PES1: variants seen among roughly 807,000 people sequenced by gnomAD.
The protein encoded by PES1 is pescadillo ribosomal biogenesis factor 1.
PES1 carries 31 observed loss-of-function variants against 77.1 expected under a neutral mutation model. The observed-to-expected ratio is 0.40, with a 90% CI of 0.30 to 0.54. The LOEUF is 0.54. Ranked by LOEUF, PES1 falls within the 20% of genes least tolerant of loss-of-function variation. The probability of loss-of-function intolerance (pLI) is 0.45; values close to 1 mark genes in which losing one functional copy is unlikely to be tolerated. For missense variants in PES1, 658 were observed against 771.7 expected (o/e 0.85, Z 1.75); for synonymous variants, 282 against 303.0 (o/e 0.93, Z 0.72).
chr22:30,591,835 G>C lies in PES1; in HGVS notation c.-2C>G, dbSNP rs201348814. ...CTTCTTCTTCTCAAGGCCTCCCATC[G>C]CTCCACGTTGAGGAGCCGACTAGGG... On this transcript the variant is annotated 5_prime_UTR_variant, in exon 1 of 15. Transcript: ENST00000354694. 6.4e-7 allele frequency: 1 copy of C among 1,559,194 alleles called. No individual in the cohort carries two copies. Among genetic ancestry groups the C allele is most frequent in the South Asian group, 1.2e-5 (1 of 84,624 alleles).
At position 30,601,484 on chromosome 22, in the gene PES1, T is replaced by C. The variant is rs1019420452; in HGVS notation, c.-661+3977A>G. 4.8e-4 allele frequency among the ~76,000 whole-genome samples: 73 copies of C among 152,176 alleles called. 2 individuals are homozygous for C. The highest frequency in any genetic ancestry group is 4.6e-3 in the Admixed American group (71 of 15,272). ...TGAACCACCATGTTTGGCTCATTTTTGTATTTTTAATACAGACAGGGTTTC... is the reference window on the plus strand; with the variant it reads ...TGAACCACCATGTTTGGCTCATTTTCGTATTTTTAATACAGACAGGGTTTC... On this transcript the variant is annotated intron_variant, in intron 2 of 16. Coordinates refer to the PES1 transcript ENST00000402281.
At chr22:30,601,022 GC>G (rs1221396486) in intron 2 of PES1, among the ~76,000 whole-genome samples, 1 of 152,220 alleles carries the variant, frequency 6.6e-6, no homozygotes, top group Non-Finnish European at 1.5e-5. Context: ...CAGTTGTACT[GC>G]TTACATGACA....
intron 2 of PES1, among the ~76,000 whole-genome samples, chr22:30,602,858 G>A (rs572212803): frequency 6.6e-6 from 1 of 152,274 alleles, no homozygotes; most frequent in African/African-American, 2.4e-5. Context: ...TTGATGAAAT[G>A]TCTTACTATT....
At chr22:30,582,238 C>T (rs1024879098) in intron 6 of PES1, among the ~76,000 whole-genome samples, 17 of 152,322 alleles carry the variant, frequency 1.1e-4, no homozygotes, top group African/African-American at 3.8e-4. Context: ...GGGCTCAGGC[C>T]GCCCACTGAG....
Position 30,576,903 on chromosome 22 carries a change from C to T in PES1, c.*143G>A. On this transcript the variant is annotated 3_prime_UTR_variant, in exon 15 of 15. Transcript: ENST00000354694. ...AAGCGAGGGCTGCCCACTGGCCCAG[C>T]CAGAGAGCATGAGGGGTCAGGGCTG... 1 of 720,858 alleles carries T rather than the reference C, an allele frequency of 1.4e-6. No homozygotes were observed. The highest frequency in any genetic ancestry group is 2.4e-6 in the Non-Finnish European group (1 of 413,048). The allele number at this position is 720,858 out of a possible 1,614,324, so 44.7% of individuals were successfully genotyped here. A position where few individuals can be genotyped will look rare whatever the true frequency, so the allele number is the denominator to read the frequency against.
intron 2 of PES1, among the ~76,000 whole-genome samples, chr22:30,605,120 GAT>G (rs2087418055): frequency 6.6e-6 from 1 of 151,960 alleles, no homozygotes; most frequent in Admixed American, 6.6e-5. Context: ...GTAGCCTCTA[GAT>G]TAGCTGAGAC....
chr22:30,581,904 G>A (rs1255794302), intron 6 of PES1, among the ~76,000 whole-genome samples: 1 of 152,118 alleles, frequency 6.6e-6, no homozygotes, highest in African/African-American at 2.4e-5. Context: ...GGAAGTCAGT[G>A]CCAGACCCCC....
At chr22:30,597,877 G>GTTTTTTTTTTTT (rs869064352) in intron 2 of PES1, among the ~76,000 whole-genome samples, 1 of 90,576 alleles carries the variant, frequency 1.1e-5, no homozygotes, top group Non-Finnish European at 2.4e-5. Flanking sequence ...CGCAGTTGAA[G>GTTTTTTTTTTTT]TTTTGTTTTT....
chr22:30,600,042 C>G (rs192257009), intron 2 of PES1, among the ~76,000 whole-genome samples: 1 of 150,950 alleles, frequency 6.6e-6, no homozygotes, highest in South Asian at 2.1e-4. Context: ...TTAAAAAATA[C>G]GTTACAGGGC....
chr22:30,579,164 G>T lies in PES1; in HGVS notation c.1494C>A (p.Ala498=). The T allele has an allele frequency of 6.2e-7, 1 of 1,608,834 alleles. No individual in the cohort carries two copies. The highest frequency in any genetic ancestry group is 8.5e-7 in the Non-Finnish European group (1 of 1,179,762). ...TCCCCTCCATCCTCTGCTCTTCCAG[G>T]GCTGCCAGCCGGGCCTCTTCCTCCT... ...SEKEEEARLA[A]LEEQRMEGKK... The change falls in exon 13 of 15, where the codon GCC becomes GCA. Residue 498 remains alanine, a synonymous_variant. Transcript: ENST00000354694.
chr22:30,577,060 C>A lies in PES1; in HGVS notation c.1753G>T (p.Ala585Ser). 1 of 1,613,890 alleles carries A rather than the reference C, an allele frequency of 6.2e-7. No individual in the cohort carries two copies. The highest frequency in any genetic ancestry group is 8.5e-7 in the Non-Finnish European group (1 of 1,179,958). ...GCCGCAGGCACTCACTCCGGCCTTG[C>A]CTTCTTGGCCTTCTTCTCAGACCTC... ...AVRSEKKAKK[A>S]RPE The change falls in exon 15 of 15, where the codon GCA becomes TCA. Residue 585 changes from alanine (A) to serine (S), a missense_variant. Ala to Ser is a moderately conservative substitution (Grantham distance 99, BLOSUM62 1). Transcript: ENST00000354694.
chr22:30,592,349 T>C, upstream of PES1: 1 of 989,450 alleles, frequency 1.0e-6, no homozygotes, highest in Non-Finnish European at 1.2e-6. Context: ...GAGACTGCGC[T>C]GAGTTCCCAC....
intron 4 of PES1, chr22:30,585,305 C>T (rs942133297): frequency 1.7e-5 from 8 of 471,396 alleles, no homozygotes; most frequent in Non-Finnish European, 2.6e-5. Context: ...GAATGTGTTT[C>T]GGGGAATCCT....
At chr22:30,600,935 ATC>A (rs145722020) in intron 2 of PES1, among the ~76,000 whole-genome samples, 7 of 152,164 alleles carry the variant, frequency 4.6e-5, no homozygotes, top group East Asian at 1.9e-4. Context: ...GGCTGGATCG[ATC>A]TCTCTCTCTT....
intron 2 of PES1, chr22:30,601,960 A>T (rs1210272225): frequency 6.6e-6 from 1 of 151,786 alleles, no homozygotes; most frequent in Non-Finnish European, 1.5e-5. Context: ...TTTAGTAGAG[A>T]CGGAGTTTCA....
At chr22:30,601,718 A>G (rs1401082754) in intron 2 of PES1, 3 of 151,880 alleles carry the variant, frequency 2.0e-5, no homozygotes, top group African/African-American at 7.3e-5. Context: ...TTATGCATTC[A>G]TTGAAGGATA....
At chr22:30,577,264 C>A in intron 14 of PES1, 135 bp from the exon 15 acceptor site, 1 of 720,278 alleles carries the variant, frequency 1.4e-6, no homozygotes, top group Non-Finnish European at 2.5e-6. Context: ...AAAAATCTAC[C>A]TGACCCACTT....
At chr22:30,584,942 T>C (rs1035941687) in intron 4 of PES1, among the ~76,000 whole-genome samples, 1 of 152,148 alleles carries the variant, frequency 6.6e-6, no homozygotes, top group African/African-American at 2.4e-5. Context: ...GAAGTCCCGA[T>C]GGGGGTCCTC....
chr22:30,584,660 G>T lies in PES1; in HGVS notation c.426C>A (p.Phe142Leu), dbSNP rs2087046047. 1 of 1,613,850 alleles carries T rather than the reference G, an allele frequency of 6.2e-7. No individual in the cohort carries two copies. The highest frequency in any genetic ancestry group is 1.3e-5 in the African/African-American group (1 of 74,934). Residue 142 changes from phenylalanine (F) to leucine (L), a missense_variant, in exon 5 of 15, where the codon TTC (phenylalanine) becomes TTA (leucine). Physicochemically the swap from Phe to Leu is conservative, Grantham distance 22. Transcript: ENST00000354694. ...RDLDDALSMC[F>L]LFSTFPRTGK... ...CAGTCCGCGGGAAGGTGGAAAACAG[G>T]AAGCACATGGAGAGGGCATCGTCCA...
Sources: allele counts gnomAD v4.1 joint callset (sites outside exome capture counted in the v4.1 genomes callset), GRCh38; gene constraint gnomAD v4.1.1; transcripts MANE v1.5; gene names NCBI Gene and HGNC (gene_info 2026-07-23, HGNC 2026-07-21).